The following NBAS variants were observed in gnomAD, a reference collection of about 807,000 sequenced individuals.
NBAS encodes the protein NBAS subunit of NRZ tethering complex, also known as NAG/BC035112 fusion.
A neutral mutation model predicts 302.5 loss-of-function variants in NBAS; 219 were observed. The observed-to-expected ratio is 0.72, with a 90% confidence interval of 0.65 to 0.81. The LOEUF (loss-of-function observed/expected upper bound fraction) is 0.81, where lower values mean the gene tolerates loss of function less well. NBAS is among the 30% of genes least tolerant of loss of function. The pLI, the probability that NBAS is intolerant of heterozygous loss-of-function variation, is 0.00. For missense variants in NBAS, 2,932 were observed against 2,841.6 expected (o/e 1.03, Z -0.72); for synonymous variants, 1,118 against 1,021.6 (o/e 1.09, Z -1.80).
chr2:14,898,477 C>A, the NBAS span, among the ~76,000 whole-genome samples: 2 of 152,242 alleles, frequency 1.3e-5, no homozygotes, highest in African/African-American at 4.8e-5. Context: ...GTTTCTAAGC[C>A]GCATAGTAAG....
chr2:15,509,203 G>A (rs1192367603), intron 10 of NBAS, among the ~76,000 whole-genome samples: 1 of 152,090 alleles, frequency 6.6e-6, no homozygotes. Context: ...CACTGATATG[G>A]ACAGAATTTC....
chr2:15,195,779 C>G lies in NBAS; in HGVS notation c.6433-5376G>C, dbSNP rs149492236. 3.3e-3 allele frequency among the ~76,000 whole-genome samples: 505 copies of G among 152,204 alleles called. 4 individuals carry two copies. The highest frequency in any genetic ancestry group is 0.011 in the African/African-American group (469 of 41,548). On this transcript the variant is annotated intron_variant, in intron 48 of 51. Transcript: ENST00000281513. ...GGGCTCAAGCATGTACACTAAGAGG[C>G]AAAATGGTGGAGTTTAACTGGTATA...
the NBAS span, among the ~76,000 whole-genome samples, chr2:15,009,406 A>T: frequency 2.0e-5 from 3 of 152,214 alleles, no homozygotes; most frequent in East Asian, 5.8e-4. Context: ...TGATAAAAAA[A>T]AAAGTCTCCA....
chr2:15,243,436 G>C (rs1400760352), intron 44 of NBAS, among the ~76,000 whole-genome samples: 2 of 152,034 alleles, frequency 1.3e-5, no homozygotes, highest in African/African-American at 2.4e-5. Flanking sequence ...TTGTGGTACA[G>C]GCCCCTTTGC....
intron 6 of NBAS, among the ~76,000 whole-genome samples, chr2:15,550,384 G>A (rs1267114887): frequency 6.6e-6 from 1 of 152,056 alleles, no homozygotes; most frequent in African/African-American, 2.4e-5. Context: ...ACAGTGCCAG[G>A]CACACAGTAA....
chr2:15,234,771 C>T, intron 45 of NBAS, 24 bp from the exon 46 acceptor site: 1 of 1,606,160 alleles, frequency 6.2e-7, no homozygotes, highest in Non-Finnish European at 8.5e-7. Context: ...GTAATCAGCA[C>T]TTAAGTATCA....
At chr2:14,962,751 CA>C in the NBAS span, among the ~76,000 whole-genome samples, 8 of 152,096 alleles carry the variant, frequency 5.3e-5, no homozygotes, top group South Asian at 1.7e-3. Flanking sequence ...TCCACCTCTG[CA>C]GCAGACTTAC....
chr2:15,193,307 C>T (rs1665452601), intron 48 of NBAS, among the ~76,000 whole-genome samples: 1 of 152,094 alleles, frequency 6.6e-6, no homozygotes, highest in South Asian at 2.1e-4. Context: ...CTTGCATACT[C>T]CATCATATCA....
At chr2:15,560,664 C>A (rs1365072359) in intron 1 of NBAS, among the ~76,000 whole-genome samples, 1 of 152,012 alleles carries the variant, frequency 6.6e-6, no homozygotes, top group Non-Finnish European at 1.5e-5. Context: ...GATCCAGCCC[C>A]CAGTATGGGT....
the NBAS span, among the ~76,000 whole-genome samples, chr2:14,976,309 A>C: frequency 1.3e-5 from 2 of 152,158 alleles, no homozygotes; most frequent in African/African-American, 4.8e-5. Flanking sequence ...TTTGCAGGCC[A>C]TGGTACCATA....
chr2:15,083,316 C>T, the NBAS span, among the ~76,000 whole-genome samples: 1 of 152,268 alleles, frequency 6.6e-6, no homozygotes, highest in Non-Finnish European at 1.5e-5. Flanking sequence ...CCCTCTCCAT[C>T]TCCACAGTGT....
intron 28 of NBAS, among the ~76,000 whole-genome samples, chr2:15,384,150 A>G (rs980912226): frequency 3.9e-5 from 6 of 152,242 alleles, no homozygotes; most frequent in Non-Finnish European, 1.5e-5. Context: ...TGAGGCCTCT[A>G]TAATCTGGTT....
the NBAS span, among the ~76,000 whole-genome samples, chr2:14,818,803 C>G: frequency 0.059 from 8,912 of 152,260 alleles, 304 homozygotes; most frequent in African/African-American, 0.074. Flanking sequence ...CAGGAAGGAG[C>G]CATAAAGAAC....
chr2:15,340,795 C>T (rs1326690987), intron 35 of NBAS, among the ~76,000 whole-genome samples: 2 of 151,946 alleles, frequency 1.3e-5, no homozygotes, highest in African/African-American at 4.8e-5. Flanking sequence ...ACAAGACGAC[C>T]GAGATGTCCC....
chr2:15,325,437 G>A (rs1247931844), intron 38 of NBAS, among the ~76,000 whole-genome samples: 1 of 152,094 alleles, frequency 6.6e-6, no homozygotes, highest in African/African-American at 2.4e-5. Flanking sequence ...CTTTTTGCAG[G>A]TGAAGGGTCT....
chr2:15,524,798 A>ATT (rs58928230), intron 9 of NBAS, among the ~76,000 whole-genome samples: 3 of 146,130 alleles, frequency 2.1e-5, no homozygotes, highest in East Asian at 2.0e-4. Flanking sequence ...CTAGGTATGC[A>ATT]TTTTTTTTTT....
At chr2:15,098,339 T>C in the NBAS span, among the ~76,000 whole-genome samples, 277 of 2,554 alleles carry the variant, frequency 0.11, 47 homozygotes, top group East Asian at 0.23. Context: ...ATATTGTATA[T>C]AATATATAAT....
chr2:15,128,156 T>TA, the NBAS span, among the ~76,000 whole-genome samples: 4 of 151,008 alleles, frequency 2.6e-5, no homozygotes, highest in South Asian at 2.1e-4. Context: ...AATTTCAAAA[T>TA]AAAAAAAAAG....
intron 42 of NBAS, among the ~76,000 whole-genome samples, chr2:15,283,815 T>C (rs1035873773): frequency 3.3e-5 from 5 of 152,236 alleles, no homozygotes; most frequent in Non-Finnish European, 5.9e-5. Flanking sequence ...CCAGGCTACA[T>C]GGTTGGTGGC....
Sources: gnomAD v4.1 joint callset for allele counts (sites outside exome capture counted in the v4.1 genomes callset) on GRCh38, gnomAD v4.1.1 for gene constraint, MANE v1.5 for transcripts, NCBI Gene and HGNC (gene_info 2026-07-23, HGNC 2026-07-21) for gene names.